KIF16B: variants seen among roughly 807,000 people sequenced by gnomAD.
The protein encoded by KIF16B is kinesin family member 16B, also known as kinesin-like protein KIF16B.
In KIF16B, 98 loss-of-function variants were observed where a neutral mutation model predicts 156.3. The observed-to-expected ratio is 0.63, with a 90% CI of 0.53 to 0.74. The LOEUF (loss-of-function observed/expected upper bound fraction) is 0.74, where lower values mean the gene tolerates loss of function less well. Among genes scored for constraint, KIF16B ranks in the 30% least tolerant of loss-of-function variants. The pLI is 0.00. For synonymous variants in KIF16B, 564 were observed against 583.7 expected (o/e 0.97, Z 0.49); for missense variants, 1,421 against 1,606.5 (o/e 0.88, Z 1.97).
intron 1 of KIF16B, among the ~76,000 whole-genome samples, chr20:16,554,554 T>C (rs2070779166): frequency 1.3e-5 from 2 of 152,232 alleles, no homozygotes; most frequent in Admixed American, 1.3e-4. Flanking sequence ...ATGTACCTTA[T>C]TCTTTCTGGA....
intron 1 of KIF16B, among the ~76,000 whole-genome samples, chr20:16,537,645 A>G (rs2070023651): frequency 6.7e-6 from 1 of 150,004 alleles, no homozygotes; most frequent in Non-Finnish European, 1.5e-5. Flanking sequence ...GCCTTCCCAC[A>G]TACTAAAGTA....
chr20:16,477,354 C>CCA (rs71192338), intron 12 of KIF16B, among the ~76,000 whole-genome samples: 33,468 of 151,928 alleles, frequency 0.22, 3,733 homozygotes, highest in Admixed American at 0.26. Flanking sequence ...CCACACAGTG[C>CCA]CACAGTACTC....
intron 25 of KIF16B, among the ~76,000 whole-genome samples, chr20:16,281,973 C>T (rs1327304968): frequency 1.3e-5 from 2 of 151,908 alleles, no homozygotes; most frequent in Non-Finnish European, 2.9e-5. Context: ...TTACTGAAAG[C>T]TTTCTACACA....
intron 24 of KIF16B, among the ~76,000 whole-genome samples, chr20:16,316,212 G>T (rs1196617122): frequency 6.6e-6 from 1 of 152,178 alleles, no homozygotes; most frequent in Non-Finnish European, 1.5e-5. Context: ...GACTGCTAGG[G>T]TCGCTTCATT....
At chr20:16,499,020 G>A (rs551412403) in intron 10 of KIF16B, among the ~76,000 whole-genome samples, 11 of 152,142 alleles carry the variant, frequency 7.2e-5, no homozygotes, top group Admixed American at 3.3e-4. Context: ...ATAAGCGTTC[G>A]TCTTGGTAGG....
chr20:16,497,271 G>A (rs2068477697), intron 11 of KIF16B, among the ~76,000 whole-genome samples: 1 of 152,192 alleles, frequency 6.6e-6, no homozygotes, highest in Admixed American at 6.5e-5. Context: ...TTGAGGCCAT[G>A]GGGACCACTA....
At chr20:16,528,086 A>G (rs2069615118) in intron 2 of KIF16B, among the ~76,000 whole-genome samples, 1 of 152,202 alleles carries the variant, frequency 6.6e-6, no homozygotes, top group Non-Finnish European at 1.5e-5. Context: ...CTACGAGGAC[A>G]CAGGATGAAA....
At chr20:16,419,473 T>C (rs1427617636) in intron 15 of KIF16B, among the ~76,000 whole-genome samples, 1 of 152,170 alleles carries the variant, frequency 6.6e-6, no homozygotes, top group Non-Finnish European at 1.5e-5. Context: ...GAAAATTTTA[T>C]CAAAGTCTCC....
intron 17 of KIF16B, among the ~76,000 whole-genome samples, chr20:16,386,927 T>C (rs574846348): frequency 2.6e-5 from 4 of 152,240 alleles, no homozygotes; most frequent in African/African-American, 9.6e-5. Flanking sequence ...AGTTAATAAA[T>C]ACTAGCTATT....
In KIF16B at chr20:16,443,687, C is replaced by T. The variant is rs547402441; in HGVS notation, c.1303-13705G>A. On this transcript the variant is annotated intron_variant, in intron 12 of 25. Coordinates refer to ENST00000354981, the MANE Select transcript of KIF16B (RefSeq NM_024704.5). Reference sequence around the variant, plus strand: ...ACATATCTTTAGCTAGATAAATTACCCAGTAAATCAAAAGGGCTCATTCAC... The same window carrying T: ...ACATATCTTTAGCTAGATAAATTACTCAGTAAATCAAAAGGGCTCATTCAC... 5.2e-4 allele frequency among the ~76,000 whole-genome samples: 79 copies of T among 152,144 alleles called. 1 individual carries two copies. Among genetic ancestry groups the T allele is most frequent in the African/African-American group, 1.8e-3 (75 of 41,514 alleles).
chr20:16,485,543 A>G (rs2068089511), intron 12 of KIF16B, among the ~76,000 whole-genome samples: 2 of 149,988 alleles, frequency 1.3e-5, no homozygotes, highest in Admixed American at 1.3e-4. Flanking sequence ...AATGACAAAC[A>G]TATGGATAGT....
intron 12 of KIF16B, among the ~76,000 whole-genome samples, chr20:16,472,886 G>A (rs1289276995): frequency 6.6e-6 from 1 of 152,136 alleles, no homozygotes; most frequent in Non-Finnish European, 1.5e-5. Context: ...AACAGACTTT[G>A]ATAGACCAAC....
At chr20:16,528,276 A>C (rs1172072504) in intron 2 of KIF16B, 95 bp downstream of exon 2, 39 of 939,220 alleles carry the variant, frequency 4.2e-5, no homozygotes, top group Non-Finnish European at 6.5e-5. Flanking sequence ...GAGGGTGTGG[A>C]AACAGCAGAC....
At chr20:16,456,138 A>AATACAATACT (rs1307999181) in intron 12 of KIF16B, among the ~76,000 whole-genome samples, 4 of 151,964 alleles carry the variant, frequency 2.6e-5, no homozygotes, top group Admixed American at 2.0e-4. Flanking sequence ...AATACAATAC[A>AATACAATACT]ATACAATACA....
At chr20:16,477,407 A>G (rs1056976642) in intron 12 of KIF16B, among the ~76,000 whole-genome samples, 7 of 152,146 alleles carry the variant, frequency 4.6e-5, no homozygotes, top group Non-Finnish European at 2.9e-5. Flanking sequence ...CAAACAACAA[A>G]CAAGGTTTGC....
chr20:16,544,619 A>AC (rs940644475), intron 1 of KIF16B, among the ~76,000 whole-genome samples: 4 of 151,116 alleles, frequency 2.6e-5, no homozygotes, highest in East Asian at 3.9e-4. Context: ...AAAAAAAAAA[A>AC]AAAAAAAAAA....
At chr20:16,522,490 C>A (rs2069387943) in intron 3 of KIF16B, among the ~76,000 whole-genome samples, 1 of 152,104 alleles carries the variant, frequency 6.6e-6, no homozygotes, top group Admixed American at 6.6e-5. Flanking sequence ...TATATATGCA[C>A]CCAATACAGG....
chr20:16,332,779 A>G (rs1385940824), intron 24 of KIF16B, among the ~76,000 whole-genome samples: 1 of 152,190 alleles, frequency 6.6e-6, no homozygotes, highest in Non-Finnish European at 1.5e-5. Context: ...TTTCTTAATT[A>G]TTCCTGATCC....
intron 12 of KIF16B, among the ~76,000 whole-genome samples, chr20:16,448,876 C>CAGAGAGAGAGAGAGAGAGAG (rs138248990): frequency 2.8e-5 from 4 of 145,360 alleles, no homozygotes; most frequent in East Asian, 4.0e-4. Flanking sequence ...AGAAATATGA[C>CAGAGAGAGAGAGAGAGAGAG]AGAGAGAGAG....
Sources: gnomAD v4.1 joint callset for allele counts (sites outside exome capture counted in the v4.1 genomes callset) on GRCh38, gnomAD v4.1.1 for gene constraint, MANE v1.5 for transcripts, NCBI Gene and HGNC (gene_info 2026-07-23, HGNC 2026-07-21) for gene names.